NAV2: variants seen among roughly 807,000 people sequenced by gnomAD.
NAV2 encodes the protein helicase, APC down-regulated 1.
NAV2 carries 54 observed loss-of-function variants against 223.2 expected under a neutral mutation model. The ratio of observed to expected loss-of-function variants is 0.24; its 90% CI spans 0.19 to 0.30. NAV2 has a LOEUF of 0.30. Ranked by LOEUF, NAV2 falls within the 10% of genes least tolerant of loss-of-function variation. NAV2 has a pLI of 1.00. For synonymous variants in NAV2, 1,279 were observed against 1,239.3 expected (o/e 1.03, Z -0.67); for missense variants, 2,806 against 3,147.5 (o/e 0.89, Z 2.60).
rs2063334207 is a variant in NAV2 at position 20,118,878 on chromosome 11, T to C, written c.*620T>C. The C allele has an allele frequency of 6.5e-6, 1 of 152,780 alleles. No homozygotes were observed. Among genetic ancestry groups the C allele is most frequent in the South Asian group, 2.1e-4 (1 of 4,824 alleles). The allele number at this position is 152,780 out of a possible 1,614,324, so 9.5% of individuals were successfully genotyped here. On this transcript the variant is annotated 3_prime_UTR_variant, in exon 38 of 38. Transcript: ENST00000349880. ...CAAATAAACCGTGCTTTCATGTTTT[T>C]TAAATGGTGCTTTCCTTACCCGAGA...
intron 6 of NAV2, among the ~76,000 whole-genome samples, chr11:19,928,739 A>G (rs61426723): frequency 0.029 from 4,444 of 152,296 alleles, 220 homozygotes; most frequent in African/African-American, 0.1. Flanking sequence ...GAATAGAAGC[A>G]AGGCTAAAAG....
At chr11:19,378,091 G>A (rs11825690) in intron 1 of NAV2, among the ~76,000 whole-genome samples, 3,514 of 152,284 alleles carry the variant, frequency 0.023, 75 homozygotes, top group African/African-American at 0.057. Context: ...GACAGGAGCA[G>A]GGCTTCTCAG....
intron 1 of NAV2, among the ~76,000 whole-genome samples, chr11:19,626,133 C>G (rs1185427320): frequency 6.6e-6 from 1 of 152,034 alleles, no homozygotes; most frequent in Non-Finnish European, 1.5e-5. Context: ...GAAGCATTTC[C>G]CTTATATTTT....
intron 1 of NAV2, among the ~76,000 whole-genome samples, chr11:19,452,864 C>T (rs962622948): frequency 3.3e-5 from 5 of 152,088 alleles, no homozygotes; most frequent in African/African-American, 4.8e-5. Context: ...CTCTGTATTT[C>T]GACTTTCATA....
intron 1 of NAV2, among the ~76,000 whole-genome samples, chr11:19,657,129 G>A (rs2048149559): frequency 6.6e-6 from 1 of 152,074 alleles, no homozygotes; most frequent in African/African-American, 2.4e-5. Context: ...TGAGGCTGGG[G>A]GTGTATTAAA....
chr11:19,649,906 T>A (rs2047920667), intron 1 of NAV2, among the ~76,000 whole-genome samples: 1 of 152,194 alleles, frequency 6.6e-6, no homozygotes, highest in Non-Finnish European at 1.5e-5. Flanking sequence ...CACTCCCATT[T>A]GAATGCCAAA....
At chr11:20,045,795 T>C in intron 14 of NAV2, 125 bp downstream of exon 14, 1 of 819,088 alleles carries the variant, frequency 1.2e-6, no homozygotes, top group Non-Finnish European at 1.9e-6. Context: ...AAAGCTGTTT[T>C]GTCAGATCAG....
At chr11:19,935,827 C>T (rs1245356251) in intron 7 of NAV2, among the ~76,000 whole-genome samples, 4 of 124,224 alleles carry the variant, frequency 3.2e-5, no homozygotes, top group Non-Finnish European at 5.4e-5. Context: ...TCTACATACA[C>T]GGCTTTTGTT....
intron 1 of NAV2, among the ~76,000 whole-genome samples, chr11:19,790,153 G>T (rs74549402): frequency 1.5e-3 from 227 of 152,244 alleles, no homozygotes; most frequent in African/African-American, 5.2e-3. Context: ...TCCATTAGAC[G>T]TGCTTTGGCC....
intron 4 of NAV2, among the ~76,000 whole-genome samples, chr11:19,875,349 A>G (rs2062771967): frequency 6.6e-6 from 1 of 152,194 alleles, no homozygotes; most frequent in African/African-American, 2.4e-5. Context: ...GTTGGGCAAA[A>G]TCATCCAACA....
intron 6 of NAV2, among the ~76,000 whole-genome samples, chr11:19,913,544 G>T (rs760408317): frequency 3.3e-5 from 5 of 152,174 alleles, no homozygotes; most frequent in Admixed American, 3.3e-4. Context: ...TTGTAAACTA[G>T]CAAAATGTAC....
intron 1 of NAV2, among the ~76,000 whole-genome samples, chr11:19,786,492 G>A (rs980749233): frequency 1.3e-5 from 2 of 152,172 alleles, no homozygotes; most frequent in African/African-American, 2.4e-5. Context: ...ATAAAATGTG[G>A]GGTTGTTTAC....
At chr11:19,903,148 G>T (rs1346033792) in intron 6 of NAV2, among the ~76,000 whole-genome samples, 1 of 152,174 alleles carries the variant, frequency 6.6e-6, no homozygotes, top group East Asian at 1.9e-4. Context: ...TTTCATTAGG[G>T]TACCAGTGTG....
At chr11:20,104,054 C>G (rs996482477) in intron 34 of NAV2, among the ~76,000 whole-genome samples, 1 of 152,204 alleles carries the variant, frequency 6.6e-6, no homozygotes, top group African/African-American at 2.4e-5. Context: ...GAAGGGACTG[C>G]AGGTGACCCT....
intron 26 of NAV2, among the ~76,000 whole-genome samples, chr11:20,087,704 A>G (rs1484045264): frequency 1.3e-5 from 2 of 152,220 alleles, no homozygotes; most frequent in South Asian, 4.1e-4. Context: ...ACAAGCATGT[A>G]TTGAGCGCCT....
rs552778392 is a variant in NAV2, at chr11:19,859,989, C to T, written c.439-8936C>T. 6.4e-4 allele frequency among the ~76,000 whole-genome samples: 61 copies of T among 94,866 alleles called. 2 individuals carry two copies. Among genetic ancestry groups the T allele is most frequent in the African/African-American group, 1.9e-3 (44 of 23,088 alleles). The allele number at this position is 94,866 out of a possible 152,430, so 62.2% of individuals were successfully genotyped here. A position where few individuals can be genotyped will look rare whatever the true frequency, so the allele number is the denominator to read the frequency against. On this transcript the variant is annotated intron_variant, in intron 3 of 37. Transcript: ENST00000349880. ...CTCCCGGATGGGGCGGCTGGCCAGG[C>T]GGGGGGCTGACCCCCCCTCCCTCCC...
intron 32 of NAV2, among the ~76,000 whole-genome samples, chr11:20,102,352 G>A (rs116787149): frequency 1.3e-5 from 2 of 152,176 alleles, no homozygotes; most frequent in African/African-American, 4.8e-5. Context: ...GAGCAAGCAG[G>A]CTAGCATCTA....
chr11:19,937,105 A>G (rs1025839995), intron 7 of NAV2, among the ~76,000 whole-genome samples: 5 of 152,100 alleles, frequency 3.3e-5, no homozygotes, highest in Non-Finnish European at 5.9e-5. Context: ...GCCACTGCAC[A>G]CCAGCCTGGG....
intron 1 of NAV2, among the ~76,000 whole-genome samples, chr11:19,387,499 G>A (rs1340609120): frequency 6.6e-6 from 1 of 152,120 alleles, no homozygotes; most frequent in East Asian, 1.9e-4. Context: ...TTTCCTCCAG[G>A]GGACATTTTC....
Sources: gnomAD v4.1 joint callset for allele counts (sites outside exome capture counted in the v4.1 genomes callset) on GRCh38, gnomAD v4.1.1 for gene constraint, MANE v1.5 for transcripts, NCBI Gene and HGNC (gene_info 2026-07-23, HGNC 2026-07-21) for gene names.